The following PDE11A variants were observed in gnomAD, a reference collection of about 807,000 sequenced individuals.
The protein encoded by PDE11A is phosphodiesterase 11A, also known as dual 3',5'-cyclic-AMP and -GMP phosphodiesterase 11A.
A neutral mutation model predicts 100.5 loss-of-function variants in PDE11A; 100 were observed. That is an observed-to-expected ratio of 1.00 (90% CI 0.85 to 1.18). The LOEUF (loss-of-function observed/expected upper bound fraction) is 1.18, where lower values mean the gene tolerates loss of function less well. Among genes scored for constraint, PDE11A ranks in the 50% most tolerant of loss-of-function variants. The pLI, the probability that PDE11A is intolerant of heterozygous loss-of-function variation, is 0.00. For synonymous variants in PDE11A, 381 were observed against 420.8 expected, an observed-to-expected ratio of 0.91 and a Z score of 1.16; for missense variants, 1,141 against 1,152.6, an observed-to-expected ratio of 0.99 and a Z score of 0.15.
intron 2 of PDE11A, among the ~76,000 whole-genome samples, chr2:177,919,648 G>T (rs952628784): frequency 6.6e-6 from 1 of 151,780 alleles, no homozygotes. Flanking sequence ...GGGTATTAAA[G>T]ATTTTTTAAT....
At chr2:177,680,771 T>C (rs2080850154) in intron 16 of PDE11A, 55 bp downstream of exon 16, 1 of 958,510 alleles carries the variant, frequency 1.0e-6, no homozygotes, top group Non-Finnish European at 1.7e-6. Context: ...AGAAAATTTA[T>C]GTGGACTAAA....
intron 9 of PDE11A, among the ~76,000 whole-genome samples, chr2:177,807,465 A>G (rs2105563598): frequency 6.6e-6 from 1 of 152,180 alleles, no homozygotes; most frequent in East Asian, 1.9e-4. Flanking sequence ...TCTGTCACCC[A>G]GGCTGGAGTA....
chr2:177,965,512 A>C (rs2085687577), intron 2 of PDE11A, among the ~76,000 whole-genome samples: 1 of 152,114 alleles, frequency 6.6e-6, no homozygotes, highest in African/African-American at 2.4e-5. Context: ...TTAACTTTTT[A>C]ATCCATCTTG....
chr2:178,094,598 A>T (rs1238834833), intron 2 of PDE11A, among the ~76,000 whole-genome samples: 2 of 152,226 alleles, frequency 1.3e-5, no homozygotes, highest in Non-Finnish European at 2.9e-5. Context: ...AAATAGGCAG[A>T]TGAAAATCAT....
chr2:178,097,925 A>G (rs539077039), intron 2 of PDE11A, among the ~76,000 whole-genome samples: 20 of 152,354 alleles, frequency 1.3e-4, no homozygotes, highest in Admixed American at 3.3e-4. Flanking sequence ...TCAAAACTAA[A>G]GGCACTGAAT....
At chr2:177,820,558 T>C (rs1427855672) in intron 6 of PDE11A, among the ~76,000 whole-genome samples, 3 of 151,830 alleles carry the variant, frequency 2.0e-5, no homozygotes, top group South Asian at 4.2e-4. Flanking sequence ...CCTGCAGCCA[T>C]AGAGAGCTGG....
intron 6 of PDE11A, among the ~76,000 whole-genome samples, chr2:177,826,849 G>C (rs187623133): frequency 2.0e-5 from 3 of 152,142 alleles, no homozygotes; most frequent in East Asian, 1.9e-4. Context: ...CTCAGGAAAG[G>C]TTCTCAAACT....
intron 1 of PDE11A, among the ~76,000 whole-genome samples, chr2:178,106,429 C>G (rs1418390555): frequency 2.0e-5 from 3 of 152,218 alleles, no homozygotes; most frequent in Non-Finnish European, 4.4e-5. Flanking sequence ...TACTTTAAAA[C>G]TTCAAACATC....
At chr2:177,725,179 T>C (rs964788544) in intron 12 of PDE11A, among the ~76,000 whole-genome samples, 3 of 152,124 alleles carry the variant, frequency 2.0e-5, no homozygotes, top group Non-Finnish European at 4.4e-5. Context: ...GAGATGAGAA[T>C]TGATGAGCGA....
At chr2:177,774,112 A>G (rs1370169451) in intron 9 of PDE11A, among the ~76,000 whole-genome samples, 1 of 152,200 alleles carries the variant, frequency 6.6e-6, no homozygotes, top group Non-Finnish European at 1.5e-5. Context: ...TCTTTCATGT[A>G]TTGTATCAAT....
At chr2:178,073,041 C>A (rs2087159954), upstream of PDE11A, 2 of 985,362 alleles carry the variant, frequency 2.0e-6, no homozygotes, top group Non-Finnish European at 2.4e-6. Flanking sequence ...CCTCCCCAAC[C>A]CTCCCTACTC....
chr2:177,948,588 C>A (rs1432194214), intron 2 of PDE11A, among the ~76,000 whole-genome samples: 1 of 152,170 alleles, frequency 6.6e-6, no homozygotes, highest in African/African-American at 2.4e-5. Context: ...GCTTATTTTT[C>A]TACTGATTTA....
intron 3 of PDE11A, among the ~76,000 whole-genome samples, chr2:177,898,503 T>C (rs2084648192): frequency 6.6e-6 from 1 of 152,146 alleles, no homozygotes; most frequent in African/African-American, 2.4e-5. Flanking sequence ...ATTATAGGGG[T>C]CACTTGAGAG....
At chr2:177,903,454 T>G (rs1010776422) in intron 3 of PDE11A, among the ~76,000 whole-genome samples, 1 of 152,228 alleles carries the variant, frequency 6.6e-6, no homozygotes, top group East Asian at 1.9e-4. Context: ...TCATGAATAG[T>G]AAGCTCCGTA....
intron 13 of PDE11A, among the ~76,000 whole-genome samples, chr2:177,709,426 T>G (rs929711904): frequency 1.3e-5 from 2 of 151,890 alleles, no homozygotes; most frequent in African/African-American, 4.8e-5. Flanking sequence ...GACTGGCGCA[T>G]TTTTGGTGGG....
At chr2:177,654,390 G>A (rs772023084) in intron 19 of PDE11A, among the ~76,000 whole-genome samples, 3 of 152,152 alleles carry the variant, frequency 2.0e-5, no homozygotes, top group South Asian at 2.1e-4. Context: ...GTGTGGTGGC[G>A]TGTGCCTATA....
chr2:177,648,765 A>G (rs892057992), intron 19 of PDE11A, among the ~76,000 whole-genome samples: 6 of 152,138 alleles, frequency 3.9e-5, no homozygotes, highest in African/African-American at 1.4e-4. Flanking sequence ...AGTATATGAT[A>G]ACAGTGACCA....
chr2:177,855,555 A>G (rs374545613), intron 5 of PDE11A, among the ~76,000 whole-genome samples: 6 of 152,182 alleles, frequency 3.9e-5, no homozygotes, highest in African/African-American at 9.6e-5. Flanking sequence ...GCAGCCTAGC[A>G]GCCACTTGCA....
chr2:178,058,018 C>G (rs982547256), intron 1 of PDE11A, among the ~76,000 whole-genome samples: 8 of 152,150 alleles, frequency 5.3e-5, no homozygotes, highest in African/African-American at 1.9e-4. Context: ...CCACCGTGCC[C>G]GGCCAATTTT....
Sources: gnomAD v4.1 joint callset for allele counts (sites outside exome capture counted in the v4.1 genomes callset) on GRCh38, gnomAD v4.1.1 for gene constraint, MANE v1.5 for transcripts, NCBI Gene and HGNC (gene_info 2026-07-23, HGNC 2026-07-21) for gene names.